The following TRPM3 variants were observed in gnomAD, a reference collection of about 807,000 sequenced individuals.
TRPM3 encodes transient receptor potential cation channel subfamily M member 3, also known as long transient receptor potential channel 3.
A neutral mutation model predicts 181.2 loss-of-function variants in TRPM3; 77 were observed. The ratio of observed to expected loss-of-function variants is 0.42; its 90% CI spans 0.35 to 0.51. The LOEUF (loss-of-function observed/expected upper bound fraction) is 0.51, where lower values mean the gene tolerates loss of function less well. TRPM3 is among the 20% of genes least tolerant of loss of function. The pLI is 0.01. For synonymous variants in TRPM3, 745 were observed against 796.4 expected (o/e 0.94, Z 1.09); for missense variants, 1,759 against 2,196.7 (o/e 0.80, Z 3.98).
chr9:71,245,794 T>C (rs1352469175), intron 1 of TRPM3, among the ~76,000 whole-genome samples: 2 of 152,102 alleles, frequency 1.3e-5, no homozygotes, highest in Admixed American at 6.5e-5. Flanking sequence ...AACTAAAGGA[T>C]TGTGGCTTAA....
At chr9:70,761,332 T>A (rs1292755904) in intron 8 of TRPM3, 3 of 624,272 alleles carry the variant, frequency 4.8e-6, no homozygotes, top group Non-Finnish European at 8.7e-6. Context: ...TCACTTCAAC[T>A]CATTTTGTTG....
chr9:70,996,287 T>A lies in TRPM3; in HGVS notation c.177+124891A>T, dbSNP rs2097540903. On this transcript the variant is annotated intron_variant, in intron 1 of 25. Transcript: ENST00000677713. ...CATTTTGCTCAGTTTATCTAGAGGA[T>A]AAAGGCATAGGTGGTGAAAGGCATA... Among the ~76,000 whole-genome samples the A allele has an allele frequency of 2.0e-5, 3 of 152,296 alleles. No homozygotes were observed. In the South Asian group the frequency reaches 6.2e-4, roughly 32 times the overall value.
At position 70,909,180 on chromosome 9, in the gene TRPM3, G is replaced by C. The variant is rs553061996; in HGVS notation, c.178-44669C>G. Among the ~76,000 whole-genome samples, 6 of 152,320 alleles carry C rather than the reference G, an allele frequency of 3.9e-5. No individual in the cohort carries two copies. In the South Asian group the frequency reaches 1.0e-3, roughly 26 times the overall value. ...TAAAATGCAAGTCACATAGCTGATT[G>C]CTTAGTTTCCAGACAGGACATAGAA... On this transcript the variant is annotated intron_variant, in intron 1 of 25. Transcript: ENST00000677713.
intron 1 of TRPM3, among the ~76,000 whole-genome samples, chr9:71,366,815 T>C (rs903632212): frequency 3.9e-5 from 6 of 152,006 alleles, no homozygotes; most frequent in African/African-American, 1.2e-4. Context: ...TTATCTCTAA[T>C]AGATAAAATT....
rs547572052 is a variant in TRPM3 at position 71,267,904 on chromosome 9, A to G, written c.183+178749T>C. On this transcript the variant is annotated intron_variant, in intron 1 of 24. Transcript: ENST00000357533. ...ACTGTTACCATAGTTCCTAGGGTGT[A>G]CAAAAAAGATAGGGATTACTTCCCA... 2.0e-5 allele frequency among the ~76,000 whole-genome samples: 3 copies of G among 151,586 alleles called. No homozygotes were observed. In the South Asian group the frequency reaches 6.4e-4, roughly 32 times the overall value.
At chr9:70,921,495 C>T (rs2096652764) in intron 1 of TRPM3, among the ~76,000 whole-genome samples, 1 of 152,132 alleles carries the variant, frequency 6.6e-6, no homozygotes, top group Admixed American at 6.5e-5. Context: ...TTGAATAGTC[C>T]AGGAAACAGA....
At chr9:71,201,472 C>T (rs1391603430) in intron 1 of TRPM3, among the ~76,000 whole-genome samples, 11 of 152,182 alleles carry the variant, frequency 7.2e-5, no homozygotes, top group Non-Finnish European at 1.6e-4. Flanking sequence ...AGAGTGTTTT[C>T]CAACTTGGTT....
At chr9:71,296,875 C>T (rs1036378978) in intron 1 of TRPM3, among the ~76,000 whole-genome samples, 2 of 151,830 alleles carry the variant, frequency 1.3e-5, no homozygotes, top group African/African-American at 4.8e-5. Context: ...TTTTGGGCAT[C>T]TACTACTGCT....
intron 6 of TRPM3, among the ~76,000 whole-genome samples, chr9:70,813,711 G>C (rs939132667): frequency 6.6e-6 from 1 of 152,216 alleles, no homozygotes; most frequent in African/African-American, 2.4e-5. Flanking sequence ...TTTGCATACA[G>C]AGAGGCTGTA....
chr9:70,550,022 G>A (rs1226270798), intron 24 of TRPM3, among the ~76,000 whole-genome samples: 1 of 152,152 alleles, frequency 6.6e-6, no homozygotes, highest in Non-Finnish European at 1.5e-5. Flanking sequence ...TTCTGGGCTG[G>A]GGGTGTGGCA....
chr9:70,965,142 C>T (rs2097173350), intron 1 of TRPM3, among the ~76,000 whole-genome samples: 1 of 151,846 alleles, frequency 6.6e-6, no homozygotes, highest in Non-Finnish European at 1.5e-5. Flanking sequence ...TTTAAATTCA[C>T]AGTAAAAGCA....
At chr9:70,930,838 T>G (rs948066629) in intron 1 of TRPM3, among the ~76,000 whole-genome samples, 1 of 152,078 alleles carries the variant, frequency 6.6e-6, no homozygotes, top group African/African-American at 2.4e-5. Context: ...GCATGTTTAG[T>G]TGAGAACAGG....
chr9:70,778,506 C>T (rs2081886208), intron 7 of TRPM3, among the ~76,000 whole-genome samples: 1 of 152,146 alleles, frequency 6.6e-6, no homozygotes, highest in Non-Finnish European at 1.5e-5. Flanking sequence ...GATAAAACCA[C>T]CAGCGTTCTT....
chr9:70,951,217 T>C (rs1298567047), intron 1 of TRPM3, among the ~76,000 whole-genome samples: 1 of 152,212 alleles, frequency 6.6e-6, no homozygotes, highest in Non-Finnish European at 1.5e-5. Context: ...AATATAGGTA[T>C]AATATTAAGA....
intron 1 of TRPM3, among the ~76,000 whole-genome samples, chr9:71,233,239 A>G (rs1161658582): frequency 6.6e-6 from 1 of 152,196 alleles, no homozygotes; most frequent in East Asian, 1.9e-4. Context: ...TTAAAATTCA[A>G]AAGGAGAATC....
In TRPM3 at chr9:71,105,342, A is replaced by T. The variant is rs530266357; in HGVS notation, c.177+15836T>A. 2.6e-5 allele frequency among the ~76,000 whole-genome samples: 4 copies of T among 152,274 alleles called. No homozygotes were observed. The South Asian group carries it at 6.2e-4, about 24-fold the overall frequency. Reference sequence around the variant, plus strand: ...GGAGAGACTCAGGAAAACAAAGGTTATTATCTTCCCAAGTCCTAGAGACAG... The same window carrying T: ...GGAGAGACTCAGGAAAACAAAGGTTTTTATCTTCCCAAGTCCTAGAGACAG... On this transcript the variant is annotated intron_variant, in intron 1 of 25. Coordinates refer to ENST00000677713, the MANE Select transcript of TRPM3 (RefSeq NM_001366145.2).
At chr9:71,398,456 G>C (rs947947064) in intron 1 of TRPM3, among the ~76,000 whole-genome samples, 9 of 152,154 alleles carry the variant, frequency 5.9e-5, no homozygotes, top group African/African-American at 1.4e-4. Context: ...CCCAATGTTG[G>C]GGGAGGGACC....
intron 1 of TRPM3, among the ~76,000 whole-genome samples, chr9:71,394,728 A>G (rs2093149383): frequency 6.6e-6 from 1 of 152,218 alleles, no homozygotes; most frequent in South Asian, 2.1e-4. Context: ...GGTTGACTAC[A>G]AAACTCAGAT....
At chr9:70,802,998 C>G (rs558710717) in intron 6 of TRPM3, among the ~76,000 whole-genome samples, 39 of 125,204 alleles carry the variant, frequency 3.1e-4, no homozygotes, top group African/African-American at 1.2e-3. Context: ...CTGGCCAGAG[C>G]TGCTAGAAAA....
Sources: gnomAD v4.1 joint callset for allele counts (sites outside exome capture counted in the v4.1 genomes callset) on GRCh38, gnomAD v4.1.1 for gene constraint, MANE v1.5 for transcripts, NCBI Gene and HGNC (gene_info 2026-07-23, HGNC 2026-07-21) for gene names.